Variants in ERBB4 observed in about 807,000 individuals in gnomAD.
The protein encoded by ERBB4 is receptor tyrosine-protein kinase erbB-4.
In ERBB4, 42 loss-of-function variants were observed where a neutral mutation model predicts 158.0. That is an observed-to-expected ratio of 0.27 (90% CI 0.21 to 0.34). The LOEUF is 0.34. Among genes scored for constraint, ERBB4 ranks in the 10% least tolerant of loss-of-function variants. ERBB4 has a pLI of 1.00. For synonymous variants in ERBB4, 583 were observed against 558.7 expected (o/e 1.04, Z -0.61); for missense variants, 1,333 against 1,624.1 (o/e 0.82, Z 3.08).
At chr2:212,067,373 A>C (rs922374939) in intron 2 of ERBB4, among the ~76,000 whole-genome samples, 2 of 152,006 alleles carry the variant, frequency 1.3e-5, no homozygotes, top group African/African-American at 4.8e-5. Flanking sequence ...GTTTCAAAAG[A>C]AATCTAAAGT....
chr2:211,631,514 G>C (rs1386431782), intron 16 of ERBB4, among the ~76,000 whole-genome samples: 1 of 152,206 alleles, frequency 6.6e-6, no homozygotes, highest in Non-Finnish European at 1.5e-5. Flanking sequence ...AAGGGATTAA[G>C]AAGAGATTGA....
chr2:212,472,640 G>C (rs1281992812), intron 1 of ERBB4, among the ~76,000 whole-genome samples: 1 of 151,544 alleles, frequency 6.6e-6, no homozygotes, highest in Non-Finnish European at 1.5e-5. Flanking sequence ...ACACGTAAAG[G>C]AATAGTTTGT....
At chr2:211,783,959 TG>T (rs1193657536) in intron 4 of ERBB4, among the ~76,000 whole-genome samples, 3 of 152,222 alleles carry the variant, frequency 2.0e-5, no homozygotes, top group Non-Finnish European at 4.4e-5. Context: ...AGCTCCTCCT[TG>T]TACCTCTGGT....
intron 1 of ERBB4, among the ~76,000 whole-genome samples, chr2:212,354,855 TC>T (rs950051360): frequency 4.6e-5 from 7 of 151,640 alleles, no homozygotes; most frequent in African/African-American, 7.2e-5. Flanking sequence ...ATCTGCTGGT[TC>T]TTTTTTTCTT....
At chr2:211,532,328 G>T (rs1219756739) in intron 20 of ERBB4, among the ~76,000 whole-genome samples, 2 of 152,008 alleles carry the variant, frequency 1.3e-5, no homozygotes, top group Non-Finnish European at 2.9e-5. Flanking sequence ...TGCTTGATGT[G>T]ATTGATACCC....
intron 20 of ERBB4, among the ~76,000 whole-genome samples, chr2:211,515,057 T>C (rs564418460): frequency 6.6e-6 from 1 of 152,268 alleles, no homozygotes; most frequent in African/African-American, 2.4e-5. Flanking sequence ...ATATAGCAGG[T>C]TAGCCTCAAC....
At chr2:212,457,229 A>G (rs1450750019) in intron 1 of ERBB4, among the ~76,000 whole-genome samples, 2 of 152,164 alleles carry the variant, frequency 1.3e-5, no homozygotes, top group African/African-American at 2.4e-5. Flanking sequence ...CTAAATATAT[A>G]TATTTTTAAG....
chr2:212,230,506 CCAT>C lies in ERBB4; in HGVS notation c.83-105606_83-105604del, dbSNP rs779424515. Among the ~76,000 whole-genome samples the C allele has an allele frequency of 5.9e-5, 9 of 152,182 alleles. No homozygotes were observed. In the East Asian group the frequency reaches 1.7e-3, roughly 29 times the overall value. Reference sequence around the variant, plus strand: ...AAATTGCCAAATTCATTGTCAAACACCATCACAAACATCATCAAGAATATTCCA... The same window carrying C: ...AAATTGCCAAATTCATTGTCAAACACCACAAACATCATCAAGAATATTCCA... On this transcript the variant is annotated intron_variant, in intron 1 of 27. Coordinates refer to ENST00000342788, the MANE Select transcript of ERBB4 (RefSeq NM_005235.3).
intron 20 of ERBB4, among the ~76,000 whole-genome samples, chr2:211,436,515 T>A (rs1159741590): frequency 2.0e-5 from 3 of 152,322 alleles, no homozygotes; most frequent in African/African-American, 7.2e-5. Context: ...GTGAGGTAAA[T>A]TAGCATATGC....
intron 1 of ERBB4, among the ~76,000 whole-genome samples, chr2:212,380,360 G>T (rs1407891431): frequency 6.6e-6 from 1 of 151,048 alleles, no homozygotes; most frequent in Admixed American, 6.6e-5. Context: ...AAGTATATGG[G>T]AAGATGTGCA....
At chr2:211,639,484 G>A (rs951097064) in intron 16 of ERBB4, among the ~76,000 whole-genome samples, 1 of 152,132 alleles carries the variant, frequency 6.6e-6, no homozygotes, top group African/African-American at 2.4e-5. Context: ...AAGTGGGAGA[G>A]GGATAAATCA....
At chr2:212,310,487 A>G (rs948341545) in intron 1 of ERBB4, among the ~76,000 whole-genome samples, 1 of 150,502 alleles carries the variant, frequency 6.6e-6, no homozygotes, top group Non-Finnish European at 1.5e-5. Flanking sequence ...CTTACAGCTT[A>G]TTATACATAG....
intron 9 of ERBB4, among the ~76,000 whole-genome samples, chr2:211,710,244 T>C (rs1188564594): frequency 6.6e-6 from 1 of 152,158 alleles, no homozygotes; most frequent in African/African-American, 2.4e-5. Context: ...TTCCCCACAG[T>C]GAAAGGCTTG....
intron 1 of ERBB4, among the ~76,000 whole-genome samples, chr2:212,163,888 G>A (rs930425403): frequency 6.6e-6 from 1 of 152,004 alleles, no homozygotes; most frequent in African/African-American, 2.4e-5. Context: ...AACCTCCTGG[G>A]TTCAAGCAAT....
At chr2:211,674,789 A>T (rs1406753269) in intron 13 of ERBB4, among the ~76,000 whole-genome samples, 1 of 152,158 alleles carries the variant, frequency 6.6e-6, no homozygotes, top group Non-Finnish European at 1.5e-5. Context: ...CACACTTGAG[A>T]TTATCCACTG....
intron 2 of ERBB4, among the ~76,000 whole-genome samples, chr2:212,079,097 A>G (rs1259596331): frequency 6.6e-6 from 1 of 150,570 alleles, no homozygotes; most frequent in African/African-American, 2.4e-5. Flanking sequence ...CTCTTTTTTG[A>G]TGTTAGATAT....
intron 20 of ERBB4, among the ~76,000 whole-genome samples, chr2:211,478,117 C>T (rs1261835698): frequency 6.6e-6 from 1 of 152,104 alleles, no homozygotes; most frequent in African/African-American, 2.4e-5. Context: ...TAAAGGGATG[C>T]CAACCACATT....
chr2:211,477,297 ATCTC>A (rs768301910), intron 20 of ERBB4, among the ~76,000 whole-genome samples: 10 of 151,008 alleles, frequency 6.6e-5, no homozygotes, highest in African/African-American at 1.5e-4. Flanking sequence ...ATTCCTTAAA[ATCTC>A]TCTCTCTCTC....
chr2:212,204,555 G>T (rs897156641), intron 1 of ERBB4, among the ~76,000 whole-genome samples: 3 of 151,604 alleles, frequency 2.0e-5, no homozygotes, highest in African/African-American at 7.3e-5. Context: ...AAAATTAGCC[G>T]GCTTCATGGT....
Sources: allele counts gnomAD v4.1 joint callset (sites outside exome capture counted in the v4.1 genomes callset), GRCh38; gene constraint gnomAD v4.1.1; transcripts MANE v1.5; gene names NCBI Gene and HGNC (gene_info 2026-07-23, HGNC 2026-07-21).